UTS2: variants seen among roughly 807,000 people sequenced by gnomAD.
The protein encoded by UTS2 is urotensin 2.
In UTS2, 10 loss-of-function variants were observed where a neutral mutation model predicts 12.6. That is an observed-to-expected ratio of 0.80 (90% confidence interval 0.49 to 1.35). The LOEUF is 1.35. UTS2 is among the 40% of genes most tolerant of loss of function. The probability of loss-of-function intolerance (pLI) is 0.00; values close to 1 mark genes in which losing one functional copy is unlikely to be tolerated. For missense variants in UTS2, 142 were observed against 143.2 expected (o/e 0.99, Z 0.04); for synonymous variants, 52 against 50.0 (o/e 1.04, Z -0.17).
chr1:7,896,673 T>C, the UTS2 span, among the ~76,000 whole-genome samples: 1 of 152,100 alleles, frequency 6.6e-6, no homozygotes, highest in Non-Finnish European at 1.5e-5. Context: ...ACAATTAGGT[T>C]CATCAGAACC....
the UTS2 span, among the ~76,000 whole-genome samples, chr1:7,894,672 A>C: frequency 1.3e-5 from 2 of 152,174 alleles, no homozygotes; most frequent in South Asian, 4.1e-4. Flanking sequence ...CTGAATAAAC[A>C]GAATAACATT....
the UTS2 span, among the ~76,000 whole-genome samples, chr1:7,868,519 G>C: frequency 1.6e-3 from 237 of 152,306 alleles, 1 homozygote; most frequent in Non-Finnish European, 7.5e-4. Context: ...CCAGGGGACT[G>C]TGGGGGCAAT....
the UTS2 span, among the ~76,000 whole-genome samples, chr1:7,911,900 C>CAAA: frequency 1.2e-3 from 155 of 133,680 alleles, 4 homozygotes; most frequent in African/African-American, 4.0e-3. Context: ...GACTCTGTCT[C>CAAA]AAAAAAAAAA....
At chr1:7,858,981 G>C in the UTS2 span, among the ~76,000 whole-genome samples, 1 of 152,180 alleles carries the variant, frequency 6.6e-6, no homozygotes, top group East Asian at 1.9e-4. Flanking sequence ...AATATTTAAA[G>C]CCTATTCACT....
At chr1:7,888,576 T>C in the UTS2 span, among the ~76,000 whole-genome samples, 1 of 152,234 alleles carries the variant, frequency 6.6e-6, no homozygotes, top group Non-Finnish European at 1.5e-5. Flanking sequence ...AGGAGCCAAC[T>C]TGAAGCCCTG....
chr1:7,847,819 T>C lies in UTS2; in HGVS notation c.322A>G (p.Lys108Glu), dbSNP rs1487733815. Residue 108 changes from lysine (K) to glutamate (E), a missense_variant, in exon 4 of 4, where the codon AAA becomes GAA. Lys to Glu is a moderately conservative substitution (Grantham distance 56). Transcript: ENST00000361696. ...LLSHLLARIWKPYKKRETPDC... is the reference protein window; with the variant it reads ...LLSHLLARIWEPYKKRETPDC... ...GGAGTCTCACGTTTCTTGTATGGTT[T>C]CCAGATTCTGGCCAAAAGATGACTC... 1.2e-6 allele frequency: 2 copies of C among 1,613,936 alleles called. No individual in the cohort carries two copies. The highest frequency in any genetic ancestry group is 1.7e-6 in the Non-Finnish European group (2 of 1,179,982).
chr1:7,857,310 A>G (rs577708798), upstream of UTS2, among the ~76,000 whole-genome samples: 1 of 151,994 alleles, frequency 6.6e-6, no homozygotes, highest in South Asian at 2.1e-4. Flanking sequence ...TCTCCCCACA[A>G]TCCTCCATCT....
chr1:7,873,038 G>A, the UTS2 span, among the ~76,000 whole-genome samples: 2 of 152,144 alleles, frequency 1.3e-5, no homozygotes, highest in African/African-American at 4.8e-5. Context: ...CTCTCCCTGT[G>A]CTCTACCAAT....
At chr1:7,849,773 T>C (rs774855194) in intron 2 of UTS2, 90 bp from the exon 3 acceptor site, 55 of 1,197,928 alleles carry the variant, frequency 4.6e-5, no homozygotes, top group Non-Finnish European at 6.1e-5. Context: ...TACTAAATTA[T>C]GTCTAGTTTC....
chr1:7,905,398 G>A, the UTS2 span, among the ~76,000 whole-genome samples: 1 of 120,168 alleles, frequency 8.3e-6, no homozygotes, highest in Non-Finnish European at 1.7e-5. Flanking sequence ...CCCTGCCTCG[G>A]CCTCCCAAAG....
chr1:7,880,044 C>T, the UTS2 span, among the ~76,000 whole-genome samples: 13,414 of 151,882 alleles, frequency 0.088, 1,402 homozygotes, highest in East Asian at 0.47. Context: ...ATTGATTGAG[C>T]CTGGGAGTTT....
rs2151381295 is a variant in UTS2 at position 7,847,838 on chromosome 1, A to ATGAC, written c.299_302dup (p.His101GlnfsTer15). 6.2e-7 allele frequency: 1 copy of ATGAC among 1,614,070 alleles called. No individual in the cohort carries two copies. The highest frequency in any genetic ancestry group is 8.5e-7 in the Non-Finnish European group (1 of 1,179,988). ...ATGGTTTCCAGATTCTGGCCAAAAG[A>ATGAC]TGACTCAGTAAAATGTTAGGATCTT... is the stretch of plus-strand genomic sequence containing the variant. On this transcript the variant is annotated frameshift_variant, in exon 4 of 4. Coordinates refer to ENST00000361696, the MANE Select transcript of UTS2 (RefSeq NM_006786.4). LOFTEE classifies it high-confidence loss of function.
chr1:7,886,450 C>T, the UTS2 span, among the ~76,000 whole-genome samples: 1 of 152,112 alleles, frequency 6.6e-6, no homozygotes, highest in African/African-American at 2.4e-5. Context: ...ATGAGTAGTA[C>T]TTGCTTTCTG....
At chr1:7,873,444 G>A in the UTS2 span, among the ~76,000 whole-genome samples, 2 of 152,186 alleles carry the variant, frequency 1.3e-5, no homozygotes, top group Non-Finnish European at 2.9e-5. Flanking sequence ...TAATTCATGG[G>A]ATGAGATAAA....
chr1:7,906,394 C>T, the UTS2 span, among the ~76,000 whole-genome samples: 2 of 137,238 alleles, frequency 1.5e-5, no homozygotes, highest in Non-Finnish European at 3.1e-5. Flanking sequence ...CACTTTATAG[C>T]ACAGCAAGAA....
chr1:7,849,712 C>G, intron 2 of UTS2, 29 bp from the exon 3 acceptor site: 1 of 1,592,652 alleles, frequency 6.3e-7, no homozygotes, highest in East Asian at 2.3e-5. Context: ...GCCAGTTCAT[C>G]AGATCTGTTG....
the UTS2 span, among the ~76,000 whole-genome samples, chr1:7,912,980 T>C: frequency 1.5e-5 from 2 of 132,016 alleles, no homozygotes; most frequent in East Asian, 5.2e-4. Context: ...AAAATGCAAG[T>C]ATAGCTTTTT....
the UTS2 span, among the ~76,000 whole-genome samples, chr1:7,895,888 G>A: frequency 1.4e-4 from 21 of 152,096 alleles, no homozygotes; most frequent in African/African-American, 1.7e-4. Flanking sequence ...GAGGATATGC[G>A]TCAAGCCATT....
the UTS2 span, among the ~76,000 whole-genome samples, chr1:7,874,311 T>C: frequency 6.6e-6 from 1 of 152,020 alleles, no homozygotes; most frequent in Admixed American, 6.5e-5. Flanking sequence ...CAAAGAGGGA[T>C]TTTATGATGG....
Sources: allele counts gnomAD v4.1 joint callset (sites outside exome capture counted in the v4.1 genomes callset), GRCh38; gene constraint gnomAD v4.1.1; transcripts MANE v1.5; gene names NCBI Gene and HGNC (gene_info 2026-07-23, HGNC 2026-07-21).